The following SRGAP1 variants were observed in gnomAD, a reference collection of about 807,000 sequenced individuals.
SRGAP1 encodes SLIT-ROBO Rho GTPase activating protein 1, also known as SLIT-ROBO Rho GTPase-activating protein 1.
SRGAP1 carries 43 observed loss-of-function variants against 121.9 expected under a neutral mutation model. That is an observed-to-expected ratio of 0.35 (90% CI 0.28 to 0.46). The LOEUF (loss-of-function observed/expected upper bound fraction) is 0.46, where lower values mean the gene tolerates loss of function less well. Among genes scored for constraint, SRGAP1 ranks in the 20% least tolerant of loss-of-function variants. The probability of loss-of-function intolerance (pLI) is 1.00; values close to 1 mark genes in which losing one functional copy is unlikely to be tolerated. For synonymous variants in SRGAP1, 447 were observed against 485.4 expected, an observed-to-expected ratio of 0.92 and a Z score of 1.04; for missense variants, 1,102 against 1,350.9, an observed-to-expected ratio of 0.82 and a Z score of 2.89.
intron 6 of SRGAP1, among the ~76,000 whole-genome samples, chr12:64,056,386 C>CT (rs1354684326): frequency 6.6e-6 from 1 of 151,918 alleles, no homozygotes; most frequent in Non-Finnish European, 1.5e-5. Context: ...AACCCCGTCT[C>CT]TAATAAAAAT....
rs1396081521 is a variant in SRGAP1, at chr12:64,149,088, T to TTA, written c.*6420_*6421dup. On this transcript the variant is annotated 3_prime_UTR_variant, in exon 22 of 22. Transcript: ENST00000355086. Reference sequence around the variant, plus strand: ...TTCCATTACATGAATATGCTCAATATTATATTTATTTTAGTATTTCCTGAT... The same window carrying TTA: ...TTCCATTACATGAATATGCTCAATATTATATATTTATTTTAGTATTTCCTGAT... 6.6e-6 allele frequency: 1 copy of TTA among 152,240 alleles called. No homozygotes were observed. Among genetic ancestry groups the TTA allele is most frequent in the African/African-American group, 2.4e-5 (1 of 41,460 alleles). The allele number at this position is 152,240 out of a possible 1,614,324, so 9.4% of individuals were successfully genotyped here. A position where few individuals can be genotyped will look rare whatever the true frequency, so the allele number is the denominator to read the frequency against.
intron 4 of SRGAP1, among the ~76,000 whole-genome samples, chr12:64,018,353 A>C (rs1378431904): frequency 6.6e-6 from 1 of 152,160 alleles, no homozygotes; most frequent in Admixed American, 6.5e-5. Context: ...AGCCTCTCAA[A>C]GTGTTGGCAT....
chr12:63,888,804 T>C (rs896393871), intron 1 of SRGAP1, among the ~76,000 whole-genome samples: 30 of 152,146 alleles, frequency 2.0e-4, no homozygotes, highest in African/African-American at 6.5e-4. Flanking sequence ...ATGCATTGTA[T>C]CACAGGTTGG....
chr12:63,899,436 G>A (rs77565952), intron 1 of SRGAP1, among the ~76,000 whole-genome samples: 12,339 of 152,182 alleles, frequency 0.081, 566 homozygotes, highest in East Asian at 0.13. Flanking sequence ...ATTTAACAGA[G>A]TTTAATTGAG....
In SRGAP1 at chr12:64,099,032, C is replaced by T. The variant is rs549258814; in HGVS notation, c.1813+1657C>T. Among the ~76,000 whole-genome samples the T allele has an allele frequency of 2.2e-4, 34 of 152,246 alleles. No homozygotes were observed. In the South Asian group the frequency reaches 4.4e-3, roughly 20 times the overall value. On this transcript the variant is annotated intron_variant, in intron 15 of 21. Coordinates refer to ENST00000355086, the MANE Select transcript of SRGAP1 (RefSeq NM_020762.4). ...ATGTCCAGAATTTTTCTGATCTCCC[C>T]GCATTATAATTTTTTTAACCCCTCT...
intron 19 of SRGAP1, among the ~76,000 whole-genome samples, chr12:64,126,854 A>G (rs1163570652): frequency 6.6e-6 from 1 of 152,200 alleles, no homozygotes; most frequent in East Asian, 1.9e-4. Flanking sequence ...TTCATATATA[A>G]AATAAATTTG....
chr12:64,025,474 T>G (rs2034633728), intron 4 of SRGAP1, among the ~76,000 whole-genome samples: 1 of 152,180 alleles, frequency 6.6e-6, no homozygotes, highest in Non-Finnish European at 1.5e-5. Flanking sequence ...AAGGGCATTT[T>G]AAGAATTTGA....
At position 63,932,380 on chromosome 12, in the gene SRGAP1, T is replaced by G. The variant is rs577441745; in HGVS notation, c.68-51567T>G. Reference sequence around the variant, plus strand: ...AACCATACAGAATTTTGAGATGTCTTTAGATCGTCTAAACTTACTTTAGAT... The same window carrying G: ...AACCATACAGAATTTTGAGATGTCTGTAGATCGTCTAAACTTACTTTAGAT... On this transcript the variant is annotated intron_variant, in intron 1 of 21. Transcript: ENST00000355086. 2.0e-5 allele frequency among the ~76,000 whole-genome samples: 3 copies of G among 152,340 alleles called. 1 individual carries two copies. The South Asian group carries it at 6.2e-4, about 32-fold the overall frequency.
At chr12:63,990,197 T>G (rs1003624572) in intron 3 of SRGAP1, 125 bp downstream of exon 3, 6 of 766,330 alleles carry the variant, frequency 7.8e-6, no homozygotes, top group African/African-American at 1.8e-5. Context: ...GAATAAACAG[T>G]TAAAAATTAG....
intron 4 of SRGAP1, among the ~76,000 whole-genome samples, chr12:64,039,627 A>ATGTGTGTGTG (rs1565652059): frequency 7.6e-4 from 29 of 38,376 alleles, no homozygotes; most frequent in African/African-American, 2.4e-3. Flanking sequence ...CAGCTGAGCA[A>ATGTGTGTGTG]CGTGTGTGTG....
At chr12:64,095,295 A>C (rs900712816) in intron 14 of SRGAP1, 91 bp downstream of exon 14, 11 of 1,134,370 alleles carry the variant, frequency 9.7e-6, no homozygotes, top group Non-Finnish European at 1.4e-5. Flanking sequence ...GTATATCCTC[A>C]AAACCTTTCT....
chr12:64,129,869 A>C lies in SRGAP1; in HGVS notation c.2880+1669A>C, dbSNP rs139386116. Among the ~76,000 whole-genome samples, 219 of 152,374 alleles carry C rather than the reference A, an allele frequency of 1.4e-3. 1 individual carries two copies. The highest frequency in any genetic ancestry group is 5.1e-3 in the African/African-American group (213 of 41,588). On this transcript the variant is annotated intron_variant, in intron 21 of 21. Coordinates refer to ENST00000355086, the MANE Select transcript of SRGAP1 (RefSeq NM_020762.4). ...TTAACGAAAGAAGGAAATACTCATG[A>C]CAATTACAGTCCCTGTTTCCACGTG...
At chr12:63,861,300 A>ATT (rs1305746499) in intron 1 of SRGAP1, among the ~76,000 whole-genome samples, 1 of 125,822 alleles carries the variant, frequency 7.9e-6, no homozygotes, top group Non-Finnish European at 1.6e-5. Flanking sequence ...ATATATATAT[A>ATT]TATTTTTTTT....
chr12:64,147,692 A>G lies in SRGAP1; in HGVS notation c.*5020A>G, dbSNP rs961655101. The G allele has an allele frequency of 7.5e-6, 3 of 398,532 alleles. No homozygotes were observed. Among genetic ancestry groups the G allele is most frequent in the Non-Finnish European group, 1.3e-5 (3 of 226,110 alleles). The allele number at this position is 398,532 out of a possible 1,614,324, so 24.7% of individuals were successfully genotyped here. On this transcript the variant is annotated 3_prime_UTR_variant, in exon 22 of 22. Coordinates refer to ENST00000355086, the MANE Select transcript of SRGAP1 (RefSeq NM_020762.4). ...GATGCTTTTACAGTCTGGAAAGAAA[A>G]AAAATGTTTTGTTAATCTGTTGTGA...
chr12:64,009,356 A>C (rs1447823272), intron 3 of SRGAP1, among the ~76,000 whole-genome samples: 1 of 152,166 alleles, frequency 6.6e-6, no homozygotes, highest in Admixed American at 6.5e-5. Context: ...TAGAGAAACA[A>C]CTTTTCATGT....
At chr12:64,124,312 T>C (rs1397384971) in intron 18 of SRGAP1, among the ~76,000 whole-genome samples, 2 of 151,684 alleles carry the variant, frequency 1.3e-5, no homozygotes, top group Non-Finnish European at 3.0e-5. Context: ...CAGTAAACTT[T>C]TGGAAGAATA....
At chr12:63,895,065 A>G (rs1900711371) in intron 1 of SRGAP1, among the ~76,000 whole-genome samples, 1 of 152,204 alleles carries the variant, frequency 6.6e-6, no homozygotes, top group Non-Finnish European at 1.5e-5. Context: ...TGTCTTCCAC[A>G]ATGGTCGAAC....
intron 6 of SRGAP1, among the ~76,000 whole-genome samples, chr12:64,054,536 A>C (rs1029980316): frequency 2.0e-5 from 3 of 152,130 alleles, no homozygotes; most frequent in Admixed American, 6.6e-5. Flanking sequence ...CCATTGTAGT[A>C]CTGTATTCCC....
At chr12:63,919,499 C>CATATATATATATATATATATATATATAT (rs10570691) in intron 1 of SRGAP1, among the ~76,000 whole-genome samples, 28 of 134,130 alleles carry the variant, frequency 2.1e-4, no homozygotes, top group African/African-American at 8.0e-4. Context: ...CTTAACATTA[C>CATATATATATATATATATATATATATAT]ATATATATAT....
Sources: gnomAD v4.1 joint callset for allele counts (sites outside exome capture counted in the v4.1 genomes callset) on GRCh38, gnomAD v4.1.1 for gene constraint, MANE v1.5 for transcripts, NCBI Gene and HGNC (gene_info 2026-07-23, HGNC 2026-07-21) for gene names.